Variants in KLHL2 observed in about 807,000 individuals in gnomAD.
The protein encoded by KLHL2 is kelch like family member 2.
In KLHL2, 15 loss-of-function variants were observed where a neutral mutation model predicts 75.8. That is an observed-to-expected ratio of 0.20 (90% CI 0.13 to 0.30). KLHL2 has a LOEUF of 0.30. Among genes scored for constraint, KLHL2 ranks in the 10% least tolerant of loss-of-function variants. The pLI is 1.00. For missense variants in KLHL2, 381 were observed against 741.0 expected, an observed-to-expected ratio of 0.51 and a Z score of 5.64; for synonymous variants, 214 against 251.9, an observed-to-expected ratio of 0.85 and a Z score of 1.42.
intron 5 of KLHL2, among the ~76,000 whole-genome samples, chr4:165,275,098 ATTTATTTTATTTTATTTTAT>A (rs201930063): frequency 3.0e-4 from 44 of 146,736 alleles, no homozygotes; most frequent in Admixed American, 5.4e-4. Flanking sequence ...CTCCTGAAAG[ATTTATTTTATTTTATTTTAT>A]TTTATTTTAT....
chr4:165,262,086 CTG>C (rs201822211), intron 4 of KLHL2, among the ~76,000 whole-genome samples: 1,812 of 152,176 alleles, frequency 0.012, 31 homozygotes, highest in African/African-American at 0.039. Flanking sequence ...TTATATAACA[CTG>C]TAATAATTCA....
At chr4:165,283,921 G>A (rs141488362) in intron 5 of KLHL2, among the ~76,000 whole-genome samples, 3,116 of 152,302 alleles carry the variant, frequency 0.02, 95 homozygotes, top group African/African-American at 0.071. Flanking sequence ...TCAACACCAC[G>A]TGGAAGCTGC....
chr4:165,251,320 T>G, intron 4 of KLHL2, among the ~76,000 whole-genome samples: 1 of 152,064 alleles, frequency 6.6e-6, no homozygotes, highest in Admixed American at 6.5e-5. Context: ...GCATAAAAAT[T>G]TAAATTATTT....
At chr4:165,310,185 T>C (rs200786955) in intron 9 of KLHL2, among the ~76,000 whole-genome samples, 216 of 151,930 alleles carry the variant, frequency 1.4e-3, no homozygotes, top group African/African-American at 3.2e-3. Flanking sequence ...ATTAGTTGGG[T>C]GTGGTGGCGG....
chr4:165,261,016 G>C (rs1298693923), intron 4 of KLHL2, among the ~76,000 whole-genome samples: 1 of 152,136 alleles, frequency 6.6e-6, no homozygotes, highest in Non-Finnish European at 1.5e-5. Context: ...GTATTATACT[G>C]TTTTCTCTAG....
At chr4:165,258,895 C>T (rs941614133) in intron 4 of KLHL2, among the ~76,000 whole-genome samples, 1 of 152,136 alleles carries the variant, frequency 6.6e-6, no homozygotes, top group Non-Finnish European at 1.5e-5. Context: ...TTTCCAAATT[C>T]TGATCACTTG....
At position 165,219,999 on chromosome 4, in the gene KLHL2, C is replaced by T. The variant is rs11547095; in HGVS notation, c.92C>T (p.Pro31Leu). 1.2e-6 allele frequency: 2 copies of T among 1,613,506 alleles called. No homozygotes were observed. Among genetic ancestry groups the T allele is most frequent in the Non-Finnish European group, 1.7e-6 (2 of 1,179,786 alleles). Residue 31 changes from proline (P) to leucine (L), a missense_variant, in exon 2 of 15, where the codon CCA becomes CTA. Pro to Leu is a moderately conservative substitution (Grantham distance 98). This residue lies in a region of KLHL2 where 48 missense variants were observed against 88.9 expected (regional missense o/e 0.54). Coordinates refer to ENST00000226725, the MANE Select transcript of KLHL2 (RefSeq NM_007246.4). ...SKDDNTEKHCPVTVNPWHMKK... is the reference protein window; with the variant it reads ...SKDDNTEKHCLVTVNPWHMKK... ...GATGATAATACCGAAAAACACTGCC[C>T]AGTGACAGTGAATCCTTGGCATATG...
intron 2 of KLHL2, among the ~76,000 whole-genome samples, chr4:165,225,130 G>C (rs1578987492): frequency 6.6e-6 from 1 of 152,158 alleles, no homozygotes; most frequent in Non-Finnish European, 1.5e-5. Context: ...AGGAGATGGA[G>C]TGCCTTTCTT....
At chr4:165,238,103 A>G (rs1026615904) in intron 3 of KLHL2, among the ~76,000 whole-genome samples, 2 of 152,240 alleles carry the variant, frequency 1.3e-5, no homozygotes, top group Non-Finnish European at 2.9e-5. Flanking sequence ...AAATGACTTC[A>G]GCGTGAAGTT....
chr4:165,218,059 C>G (rs1737673734), intron 1 of KLHL2, among the ~76,000 whole-genome samples: 1 of 152,070 alleles, frequency 6.6e-6, no homozygotes, highest in Non-Finnish European at 1.5e-5. Flanking sequence ...TGTCCAGAAC[C>G]CAGCCAGTTT....
At chr4:165,294,587 CT>C in intron 6 of KLHL2, 119 bp downstream of exon 6, 1 of 493,700 alleles carries the variant, frequency 2.0e-6, no homozygotes, top group Non-Finnish European at 3.6e-6. Context: ...GATGTTTCAA[CT>C]GGAAGTTAAG....
chr4:165,233,380 A>G (rs1739071003), intron 3 of KLHL2, among the ~76,000 whole-genome samples: 1 of 152,156 alleles, frequency 6.6e-6, no homozygotes, highest in Admixed American at 6.5e-5. Flanking sequence ...TTTGAGATTT[A>G]TTTGTGCCAC....
chr4:165,248,808 A>G (rs1277151692), intron 4 of KLHL2, among the ~76,000 whole-genome samples: 1 of 152,256 alleles, frequency 6.6e-6, no homozygotes, highest in African/African-American at 2.4e-5. Flanking sequence ...TAGTGTGGTC[A>G]AAAGAATTCG....
chr4:165,270,477 T>C (rs1742599682), intron 5 of KLHL2, among the ~76,000 whole-genome samples: 1 of 152,192 alleles, frequency 6.6e-6, no homozygotes, highest in Non-Finnish European at 1.5e-5. Flanking sequence ...CTTTTGTCTT[T>C]GATGTTGGGG....
At chr4:165,306,601 C>T (rs1560824902) in intron 9 of KLHL2, among the ~76,000 whole-genome samples, 1 of 152,182 alleles carries the variant, frequency 6.6e-6, no homozygotes, top group Non-Finnish European at 1.5e-5. Context: ...TCCCTAAACT[C>T]CTGACAGTAC....
chr4:165,243,595 A>G (rs1443455860), intron 4 of KLHL2, among the ~76,000 whole-genome samples: 5 of 152,376 alleles, frequency 3.3e-5, no homozygotes, highest in African/African-American at 1.2e-4. Context: ...TTTTCAAGGG[A>G]CATCTAAAAT....
chr4:165,249,175 G>A (rs1478349740), intron 4 of KLHL2, among the ~76,000 whole-genome samples: 1 of 152,220 alleles, frequency 6.6e-6, no homozygotes, highest in Non-Finnish European at 1.5e-5. Flanking sequence ...GTCACAGTGG[G>A]GGTTAGACAT....
At chr4:165,283,305 A>G (rs1743836297) in intron 5 of KLHL2, among the ~76,000 whole-genome samples, 1 of 152,274 alleles carries the variant, frequency 6.6e-6, no homozygotes, top group South Asian at 2.1e-4. Context: ...TGCACAGTCC[A>G]AAGTCTCATC....
chr4:165,243,697 G>A (rs1382374669), intron 4 of KLHL2, among the ~76,000 whole-genome samples: 1 of 152,140 alleles, frequency 6.6e-6, no homozygotes, highest in Non-Finnish European at 1.5e-5. Flanking sequence ...GGTGGTATAG[G>A]GCAGGTTGTT....
Sources: gnomAD v4.1 joint callset for allele counts (sites outside exome capture counted in the v4.1 genomes callset) on GRCh38, gnomAD v4.1.1 for gene constraint, gnomAD v4.1.1 regional missense constraint, MANE v1.5 for transcripts, NCBI Gene and HGNC (gene_info 2026-07-23, HGNC 2026-07-21) for gene names.